DDX49: variants seen among roughly 807,000 people sequenced by gnomAD.
DDX49 encodes probable ATP-dependent RNA helicase DDX49.
A neutral mutation model predicts 56.3 loss-of-function variants in DDX49; 50 were observed. The ratio of observed to expected loss-of-function variants is 0.89; its 90% CI spans 0.71 to 1.12. The LOEUF is 1.12. Ranked by LOEUF, DDX49 falls within the 50% of genes most tolerant of loss-of-function variation. The probability of loss-of-function intolerance (pLI) is 0.00; values close to 1 mark genes in which losing one functional copy is unlikely to be tolerated. For missense variants in DDX49, 614 were observed against 650.5 expected (o/e 0.94, Z 0.61); for synonymous variants, 269 against 270.6 (o/e 0.99, Z 0.06).
intron 1 of DDX49, among the ~76,000 whole-genome samples, chr19:18,920,161 A>G (rs2056902545): frequency 6.6e-6 from 1 of 152,100 alleles, no homozygotes; most frequent in Non-Finnish European, 1.5e-5. Context: ...TGCTATCTTT[A>G]TTTTACAAAT....
intron 10 of DDX49, 50 bp downstream of exon 10, chr19:18,926,427 A>AAGG: frequency 2.3e-6 from 1 of 444,374 alleles, no homozygotes; most frequent in Non-Finnish European, 4.5e-6. Context: ...GGGTGGGCAG[A>AAGG]GGTGGGCACC....
intron 6 of DDX49, 116 bp downstream of exon 6, chr19:18,922,860 A>G: frequency 7.4e-7 from 1 of 1,353,680 alleles, no homozygotes; most frequent in Non-Finnish European, 1.0e-6. Flanking sequence ...CTCAGCCTGG[A>G]GGTCATGGGG....
chr19:18,925,801 G>A (rs934873899), intron 9 of DDX49, among the ~76,000 whole-genome samples: 16 of 152,126 alleles, frequency 1.1e-4, no homozygotes, highest in African/African-American at 3.9e-4. Flanking sequence ...GTCGGACTGG[G>A]CCTGGACCTT....
At position 18,919,762 on chromosome 19, in the gene DDX49, C is replaced by A; in HGVS notation, c.21C>A (p.Leu7=). 1 of 1,611,792 alleles carries A rather than the reference C, an allele frequency of 6.2e-7. No homozygotes were observed. Among genetic ancestry groups the A allele is most frequent in the Non-Finnish European group, 8.5e-7 (1 of 1,178,376 alleles). Residue 7 remains leucine (L), a synonymous_variant, in exon 1 of 13, where the codon CTC becomes CTA. Coordinates refer to ENST00000247003, the MANE Select transcript of DDX49 (RefSeq NM_019070.5). ...CAAGGATGGCAGGCTTCGCGGAGCT[C>A]GGGCTGTCATCGTGGCTCGTGGAAC... is the stretch of plus-strand genomic sequence containing the variant. MAGFAE[L]GLSSWLVEQC... is the part of the protein sequence containing the mutation.
intron 6 of DDX49, among the ~76,000 whole-genome samples, chr19:18,923,272 A>T (rs1470507710): frequency 6.6e-6 from 1 of 152,204 alleles, no homozygotes; most frequent in Non-Finnish European, 1.5e-5. Context: ...CTGTAATCCC[A>T]GCACTTTGGG....
At chr19:18,919,985 G>C in intron 1 of DDX49, 129 bp downstream of exon 1, 1 of 639,192 alleles carries the variant, frequency 1.6e-6, no homozygotes. Flanking sequence ...GGAGATCCGG[G>C]GTTCCGGAGG....
chr19:18,927,070 CAAA>C (rs35034273), intron 10 of DDX49, among the ~76,000 whole-genome samples: 69 of 74,758 alleles, frequency 9.2e-4, no homozygotes, highest in African/African-American at 2.2e-3. Flanking sequence ...GACTCTGTCT[CAAA>C]AAAAAAAAAA....
chr19:18,922,250 A>G, intron 4 of DDX49, 76 bp from the exon 5 acceptor site: 2 of 1,529,786 alleles, frequency 1.3e-6, no homozygotes, highest in Middle Eastern at 2.0e-4. Context: ...TGCCTCTCAA[A>G]GAGGCCTGCT....
chr19:18,926,745 C>T (rs1397144798), intron 10 of DDX49, among the ~76,000 whole-genome samples: 1 of 152,160 alleles, frequency 6.6e-6, no homozygotes, highest in East Asian at 1.9e-4. Context: ...TAAGGTATCT[C>T]TGATCACTGC....
In DDX49 at chr19:18,924,252, A is replaced by C; in HGVS notation, c.796A>C (p.Met266Leu). The C allele has an allele frequency of 1.2e-6, 2 of 1,613,992 alleles. No homozygotes were observed. ...CGCCAGGACCTGCCAGATTCTGTGC[A>C]TGATGCTGCGCAAATTCAGCTTCCC... is the stretch of plus-strand genomic sequence containing the variant. ...NTCKTCQILC[M>L]MLRKFSFPTV... The change falls in exon 7 of 13, where the codon ATG becomes CTG. Residue 266 changes from methionine (M) to leucine (L), a missense_variant. By Grantham distance (15) the Met-to-Leu change is conservative. Transcript: ENST00000247003.
chr19:18,922,564 A>G (rs2056927643), intron 5 of DDX49, 40 bp from the exon 6 acceptor site: 3 of 1,600,694 alleles, frequency 1.9e-6, no homozygotes, highest in Non-Finnish European at 2.6e-6. Flanking sequence ...TCCTACAGAC[A>G]GGGACACTGA....
At chr19:18,924,418 C>T (rs1353499798) in intron 7 of DDX49, 110 bp downstream of exon 7, 14 of 1,179,602 alleles carry the variant, frequency 1.2e-5, no homozygotes, top group African/African-American at 1.5e-5. Context: ...CACCTGGTCT[C>T]TTCTGGTCCC....
chr19:18,926,501 T>C (rs2056962880), intron 10 of DDX49, 124 bp downstream of exon 10: 10 of 1,019,592 alleles, frequency 9.8e-6, no homozygotes, highest in South Asian at 6.2e-5. Context: ...AGATTTAGGC[T>C]GGGGCTTCCT....
Position 18,928,164 on chromosome 19 carries a change from G to A in DDX49, c.1300G>A (p.Ala434Thr), listed in dbSNP as rs1244166295. ...DLEAKRKAELAKIKQKNRRFK... is the reference protein window; with the variant it reads ...DLEAKRKAELTKIKQKNRRFK... ...GGAGGCCAAGCGCAAGGCTGAGCTG[G>A]CCAAGATCAAGCAGAAGAACCGGCG... Residue 434 changes from alanine (A) to threonine (T), a missense_variant, in exon 13 of 13, where the codon GCC becomes ACC. By Grantham distance (58) the Ala-to-Thr change is moderately conservative (BLOSUM62 0). Coordinates refer to ENST00000247003, the MANE Select transcript of DDX49 (RefSeq NM_019070.5). 1.9e-6 allele frequency: 3 copies of A among 1,595,202 alleles called. No individual in the cohort carries two copies. Among genetic ancestry groups the A allele is most frequent in the Non-Finnish European group, 2.6e-6 (3 of 1,171,070 alleles).
chr19:18,923,338 G>A (rs1426857069), intron 6 of DDX49, among the ~76,000 whole-genome samples: 4 of 152,116 alleles, frequency 2.6e-5, no homozygotes, highest in Admixed American at 1.3e-4. Flanking sequence ...CCTGCCCAAC[G>A]TGGTGAAACT....
intron 9 of DDX49, 144 bp from the exon 10 acceptor site, chr19:18,926,159 G>T: frequency 1.2e-6 from 1 of 817,162 alleles, no homozygotes; most frequent in South Asian, 1.8e-5. Flanking sequence ...GTCAAGCCCA[G>T]ACACTCTGGG....
intron 9 of DDX49, among the ~76,000 whole-genome samples, chr19:18,925,835 G>C (rs1185501296): frequency 6.6e-6 from 1 of 152,136 alleles, no homozygotes; most frequent in Non-Finnish European, 1.5e-5. Context: ...GTGGTGCTGG[G>C]CAGGTCACTT....
chr19:18,925,702 C>T (rs2056955669), intron 9 of DDX49, among the ~76,000 whole-genome samples: 1 of 152,116 alleles, frequency 6.6e-6, no homozygotes, highest in Non-Finnish European at 1.5e-5. Flanking sequence ...AGCTCCGGCC[C>T]CCACTACTTG....
chr19:18,924,767 G>C (rs945109278), intron 8 of DDX49, 68 bp downstream of exon 8: 110 of 1,613,110 alleles, frequency 6.8e-5, no homozygotes, highest in Admixed American at 2.5e-4. Flanking sequence ...AGATGAGAAG[G>C]CTGGCCTCAG....
Sources: gnomAD v4.1 joint callset for allele counts (sites outside exome capture counted in the v4.1 genomes callset) on GRCh38, gnomAD v4.1.1 for gene constraint, MANE v1.5 for transcripts, NCBI Gene and HGNC (gene_info 2026-07-23, HGNC 2026-07-21) for gene names.